NXPE2: variants seen among roughly 807,000 people sequenced by gnomAD.
NXPE2 encodes NXPE family member 2.
A neutral mutation model predicts 34.4 loss-of-function variants in NXPE2; 34 were observed. The ratio of observed to expected loss-of-function variants is 0.99; its 90% CI spans 0.75 to 1.31. The LOEUF is 1.31. NXPE2 is among the 40% of genes most tolerant of loss of function. The pLI is 0.00. For missense variants in NXPE2, 649 were observed against 672.5 expected (o/e 0.97, Z 0.39); for synonymous variants, 235 against 231.3 (o/e 1.02, Z -0.15).
chr11:114,805,944 T>C, the NXPE2 span, among the ~76,000 whole-genome samples: 1,006 of 152,142 alleles, frequency 6.6e-3, 8 homozygotes, highest in African/African-American at 0.023. Context: ...GAGGCACCCC[T>C]CAGTAGGGGC....
At chr11:114,651,659 C>T in the NXPE2 span, among the ~76,000 whole-genome samples, 15 of 152,216 alleles carry the variant, frequency 9.9e-5, no homozygotes, top group South Asian at 8.3e-4. Flanking sequence ...CTGATTGGTC[C>T]GTTTTACAGA....
the NXPE2 span, among the ~76,000 whole-genome samples, chr11:114,592,046 T>C: frequency 6.6e-6 from 1 of 152,114 alleles, no homozygotes; most frequent in African/African-American, 2.4e-5. Context: ...AAAAAACATG[T>C]ATAACAAATC....
chr11:114,697,873 A>G (rs911655571), intron 2 of NXPE2, among the ~76,000 whole-genome samples, 172 bp from the exon 3 acceptor site: 4 of 152,236 alleles, frequency 2.6e-5, no homozygotes, highest in African/African-American at 9.6e-5. Flanking sequence ...AGAGGAAGTC[A>G]TACTACATGG....
the NXPE2 span, chr11:114,529,199 T>TG: frequency 5.8e-6 from 1 of 173,630 alleles, no homozygotes; most frequent in Non-Finnish European, 1.2e-5. Context: ...TAAATCTTCG[T>TG]GGGGGAAAAT....
At chr11:114,638,753 A>T in the NXPE2 span, among the ~76,000 whole-genome samples, 6 of 152,070 alleles carry the variant, frequency 3.9e-5, no homozygotes, top group African/African-American at 9.6e-5. Context: ...TGCCTGGGTA[A>T]CAGCAGCAGT....
At chr11:114,782,897 A>G in the NXPE2 span, among the ~76,000 whole-genome samples, 9 of 152,210 alleles carry the variant, frequency 5.9e-5, no homozygotes, top group Non-Finnish European at 1.0e-4. Flanking sequence ...AGAAAACCCA[A>G]GCATTCTTAA....
chr11:114,539,227 G>A, the NXPE2 span, among the ~76,000 whole-genome samples: 5 of 148,950 alleles, frequency 3.4e-5, no homozygotes, highest in African/African-American at 1.2e-4. Context: ...GGTGGGAATT[G>A]AACAATGAGA....
chr11:114,602,827 TATCTC>T, the NXPE2 span, among the ~76,000 whole-genome samples: 9 of 146,682 alleles, frequency 6.1e-5, no homozygotes, highest in African/African-American at 1.7e-4. Context: ...ATATAATAAT[TATCTC>T]ATATAATTAC....
the NXPE2 span, among the ~76,000 whole-genome samples, chr11:114,732,747 A>G: frequency 2.6e-5 from 4 of 152,092 alleles, no homozygotes; most frequent in African/African-American, 7.2e-5. Flanking sequence ...CTGCATTAAT[A>G]TTCCCTTTCT....
chr11:114,807,765 C>G, the NXPE2 span, among the ~76,000 whole-genome samples: 2 of 151,838 alleles, frequency 1.3e-5, no homozygotes, highest in African/African-American at 2.4e-5. Flanking sequence ...ACCCCACTGT[C>G]AACATTAGAC....
intron 2 of NXPE2, 144 bp from the exon 3 acceptor site, chr11:114,697,901 T>G: frequency 1.3e-6 from 1 of 791,414 alleles, no homozygotes; most frequent in Non-Finnish European, 1.9e-6. Context: ...TTCTGAAGAT[T>G]CCATAACTGA....
At chr11:114,490,675 T>G in the NXPE2 span, among the ~76,000 whole-genome samples, 6 of 152,190 alleles carry the variant, frequency 3.9e-5, no homozygotes, top group African/African-American at 1.4e-4. Context: ...CTGGATGCCT[T>G]CCTTACACCT....
At chr11:114,606,487 G>A in the NXPE2 span, among the ~76,000 whole-genome samples, 2 of 150,500 alleles carry the variant, frequency 1.3e-5, no homozygotes, top group East Asian at 4.0e-4. Context: ...ACTGTTCCTT[G>A]GTGGATAATA....
chr11:114,583,021 C>G, the NXPE2 span: 1 of 1,602,618 alleles, frequency 6.2e-7, no homozygotes, highest in East Asian at 2.2e-5. Context: ...GCAGACCAAA[C>G]CTGAAATGAC....
the NXPE2 span, among the ~76,000 whole-genome samples, chr11:114,673,367 T>G: frequency 6.6e-6 from 1 of 151,302 alleles, no homozygotes; most frequent in Non-Finnish European, 1.5e-5. Context: ...ACACCCATAT[T>G]AAAAAAGAAG....
At chr11:114,766,033 A>G in the NXPE2 span, among the ~76,000 whole-genome samples, 1 of 152,094 alleles carries the variant, frequency 6.6e-6, no homozygotes, top group East Asian at 1.9e-4. Flanking sequence ...CAAACACTTC[A>G]TGTTTCTCCC....
At chr11:114,595,015 A>C in the NXPE2 span, among the ~76,000 whole-genome samples, 240 of 152,218 alleles carry the variant, frequency 1.6e-3, no homozygotes, top group African/African-American at 5.3e-3. Flanking sequence ...TCTTTAAGAA[A>C]TCGAGCAGCT....
the NXPE2 span, among the ~76,000 whole-genome samples, chr11:114,750,602 A>G: frequency 6.6e-6 from 1 of 152,234 alleles, no homozygotes; most frequent in South Asian, 2.1e-4. Flanking sequence ...TATTTCTTAT[A>G]GTATCTAGCC....
chr11:114,617,300 C>A, the NXPE2 span, among the ~76,000 whole-genome samples: 1 of 137,414 alleles, frequency 7.3e-6, no homozygotes, highest in Admixed American at 7.2e-5. Context: ...CATTACCCAC[C>A]AGATACTAAG....
Sources: allele counts gnomAD v4.1 joint callset (sites outside exome capture counted in the v4.1 genomes callset), GRCh38; gene constraint gnomAD v4.1.1; transcripts MANE v1.5; gene names NCBI Gene and HGNC (gene_info 2026-07-23, HGNC 2026-07-21).